XPC: variants seen among roughly 807,000 people sequenced by gnomAD.
XPC encodes the protein DNA repair protein complementing XP-C cells.
A neutral mutation model predicts 95.8 loss-of-function variants in XPC; 76 were observed. The observed-to-expected ratio is 0.79, with a 90% confidence interval of 0.66 to 0.96. XPC has a LOEUF of 0.96. XPC is among the 40% of genes least tolerant of loss of function. The pLI is 0.00. For synonymous variants in XPC, 442 were observed against 442.1 expected, an observed-to-expected ratio of 1.00 and a Z score of 0.00; for missense variants, 1,146 against 1,179.8, an observed-to-expected ratio of 0.97 and a Z score of 0.42.
In XPC at chr3:14,148,743, G is replaced by A. The variant is rs779218035; in HGVS notation, c.2251-12C>T. 5.6e-6 allele frequency: 9 copies of A among 1,613,794 alleles called. No homozygotes were observed. In the South Asian group the frequency reaches 7.7e-5, roughly 14 times the overall value. ...TCGTTCCGGGGCACCTGTGTCGGGT[G>A]AGCAAGTCAGCATTTGGCCAGCAGG... On this transcript the variant is annotated splice_polypyrimidine_tract_variant and intron_variant, in intron 12 of 15. Coordinates refer to ENST00000285021, the MANE Select transcript of XPC (RefSeq NM_004628.5).
chr3:14,161,613 A>G (rs1696169263), intron 7 of XPC, among the ~76,000 whole-genome samples: 1 of 150,108 alleles, frequency 6.7e-6, no homozygotes, highest in Non-Finnish European at 1.5e-5. Context: ...GAGACAATCC[A>G]ACAGGCTTTC....
intron 5 of XPC, among the ~76,000 whole-genome samples, chr3:14,166,538 A>G (rs893749133): frequency 6.9e-6 from 1 of 145,638 alleles, no homozygotes; most frequent in Non-Finnish European, 1.5e-5. Context: ...ACACCTACAT[A>G]CTCCACACAC....
At chr3:14,150,233 G>C (rs928159843) in intron 11 of XPC, among the ~76,000 whole-genome samples, 1 of 152,256 alleles carries the variant, frequency 6.6e-6, no homozygotes, top group Non-Finnish European at 1.5e-5. Flanking sequence ...AGAGGAGTCA[G>C]GCATGGGCGT....
At chr3:14,175,637 G>A (rs1696786101) in intron 1 of XPC, among the ~76,000 whole-genome samples, 1 of 152,206 alleles carries the variant, frequency 6.6e-6, no homozygotes, top group Non-Finnish European at 1.5e-5. Flanking sequence ...GAGAAGAAAT[G>A]AAAAGAAACC....
intron 1 of XPC, among the ~76,000 whole-genome samples, chr3:14,177,462 G>C (rs774081407): frequency 3.3e-5 from 5 of 152,114 alleles, no homozygotes; most frequent in African/African-American, 1.2e-4. Context: ...TAAAAGCCAT[G>C]GGGGGTTCAC....
At chr3:14,148,400 G>T in intron 13 of XPC, 162 bp downstream of exon 13, 1 of 976,018 alleles carries the variant, frequency 1.0e-6, no homozygotes, top group Non-Finnish European at 1.5e-6. Flanking sequence ...AGGGAAGCCA[G>T]AATTGGTAAA....
rs765599107 is a variant in XPC at position 14,178,484 on chromosome 3, G to T, written c.85C>A (p.Arg29Ser). 6.2e-7 allele frequency: 1 copy of T among 1,611,158 alleles called. No homozygotes were observed. Among genetic ancestry groups the T allele is most frequent in the East Asian group, 2.2e-5 (1 of 44,840 alleles). Residue 29 changes from arginine (R) to serine (S), a missense_variant, in exon 1 of 16, where the codon CGT (arginine) becomes AGT (serine). Coordinates refer to ENST00000285021, the MANE Select transcript of XPC (RefSeq NM_004628.5). ...CTCTCACCCTCCTCCTCCTCCTCAC[G>T]CCGGGCCTTGCTCTTGGCCTTGGAT... The part of the protein sequence containing the change: ...QKSKAKSKAR[R>S]EEEEEDAFED...
At position 14,168,355 on chromosome 3, in the gene XPC, G is replaced by A. The variant is rs374117700; in HGVS notation, c.438C>T (p.Asp146=). Residue 146 remains aspartate, a synonymous_variant, in exon 4 of 16, where the codon GAC becomes GAT. Transcript: ENST00000285021. ...VEELSEPVLG[D]VRESTAFSRS... is the part of the protein sequence containing the mutation. ...GAGAGAAGGCTGTACTTTCTCTCACGTCACCCAGCACAGGCTCACTAAGTT... is the reference window on the plus strand; with the variant it reads ...GAGAGAAGGCTGTACTTTCTCTCACATCACCCAGCACAGGCTCACTAAGTT... 2.4e-5 allele frequency: 38 copies of A among 1,613,674 alleles called. No homozygotes were observed. The highest frequency in any genetic ancestry group is 4.0e-5 in the African/African-American group (3 of 74,860).
intron 2 of XPC, 135 bp downstream of exon 2, chr3:14,172,732 G>A: frequency 3.0e-6 from 3 of 1,016,710 alleles, no homozygotes; most frequent in Non-Finnish European, 2.8e-6. Context: ...TTACCGGTCT[G>A]AGTTGTACCT....
intron 14 of XPC, 94 bp from the exon 15 acceptor site, chr3:14,147,473 A>G: frequency 8.3e-7 from 1 of 1,204,186 alleles, no homozygotes; most frequent in Non-Finnish European, 1.2e-6. Flanking sequence ...AGACAGATAT[A>G]TACACCACTT....
At chr3:14,147,714 A>G (rs2125007810) in intron 14 of XPC, 194 bp downstream of exon 14, 1 of 608,804 alleles carries the variant, frequency 1.6e-6, no homozygotes, top group Non-Finnish European at 2.9e-6. Context: ...CAGGCTCCTC[A>G]GGGACAGTGA....
rs749372613 is a variant in XPC, at chr3:14,145,899, G to T, written c.*42C>A. ...AGGGCAGGTGTGGGGCCTGTAGTGGGGCAGCAGCAACTGGTGGGTGCCCCT... is the reference window on the plus strand; with the variant it reads ...AGGGCAGGTGTGGGGCCTGTAGTGGTGCAGCAGCAACTGGTGGGTGCCCCT... On this transcript the variant is annotated 3_prime_UTR_variant, in exon 16 of 16. Coordinates refer to ENST00000285021, the MANE Select transcript of XPC (RefSeq NM_004628.5). The T allele has an allele frequency of 1.3e-6, 2 of 1,583,078 alleles. No individual in the cohort carries two copies. Among genetic ancestry groups the T allele is most frequent in the South Asian group, 2.3e-5 (2 of 88,262 alleles).
chr3:14,145,513 C>A lies in XPC; in HGVS notation c.*428G>T, dbSNP rs886058046. 1.4e-6 allele frequency: 1 copy of A among 698,982 alleles called. No individual in the cohort carries two copies. The highest frequency in any genetic ancestry group is 1.5e-5 in the South Asian group (1 of 67,426). The allele number at this position is 698,982 out of a possible 1,614,324, so 43.3% of individuals were successfully genotyped here. On this transcript the variant is annotated 3_prime_UTR_variant, in exon 16 of 16. Transcript: ENST00000285021. The stretch of plus-strand genomic sequence containing the variant: ...CCGCAACCGAGGCGAGTGAACTTGT[C>A]GGACAGATGAAGACTCTAACTGGAA...
At chr3:14,153,937 C>T (rs567171083) in intron 10 of XPC, among the ~76,000 whole-genome samples, 1 of 152,136 alleles carries the variant, frequency 6.6e-6, no homozygotes, top group Non-Finnish European at 1.5e-5. Context: ...CTTTGACTGC[C>T]CAGAGGAGTG....
chr3:14,149,227 G>A (rs905126744), intron 11 of XPC, among the ~76,000 whole-genome samples: 1 of 152,072 alleles, frequency 6.6e-6, no homozygotes, highest in Non-Finnish European at 1.5e-5. Context: ...GGGATTACAG[G>A]TGCCTGCCAC....
intron 5 of XPC, among the ~76,000 whole-genome samples, 158 bp downstream of exon 5, chr3:14,167,011 A>G (rs1559380709): frequency 6.6e-6 from 1 of 152,170 alleles, no homozygotes; most frequent in African/African-American, 2.4e-5. Context: ...GACAGACACT[A>G]TTACTACCCC....
intron 8 of XPC, among the ~76,000 whole-genome samples, chr3:14,159,198 G>A (rs182891354): frequency 3.3e-5 from 5 of 152,282 alleles, no homozygotes; most frequent in East Asian, 1.9e-4. Context: ...TATTGGTTAC[G>A]TAAATTAGGT....
At position 14,159,627 on chromosome 3, in the gene XPC, G is replaced by A; in HGVS notation, c.990+114C>T. On this transcript the variant is annotated intron_variant, in intron 8 of 15. Transcript: ENST00000285021. ...CACAGGGTATGTGCAAGGCTCGAAA[G>A]AACCCACACTCCGTGAATACCAGCT... The A allele has an allele frequency of 2.7e-6, 3 of 1,103,456 alleles. No individual in the cohort carries two copies. The Admixed American group carries it at 6.4e-5, about 24-fold the overall frequency. The allele number at this position is 1,103,456 out of a possible 1,614,324, so 68.4% of individuals were successfully genotyped here.
At position 14,158,992 on chromosome 3, in the gene XPC, A is replaced by C. The variant is rs553804127; in HGVS notation, c.991-100T>G. On this transcript the variant is annotated intron_variant, in intron 8 of 15. Coordinates refer to ENST00000285021, the MANE Select transcript of XPC (RefSeq NM_004628.5). The surrounding 1 kb of genome is among the most constrained non-coding windows in gnomAD (Gnocchi z 5.2). ...CTAATAGGGTTAAGTCACCAGCTAGAGAACCAATACATCAAGATGTCCCCA... is the reference window on the plus strand; with the variant it reads ...CTAATAGGGTTAAGTCACCAGCTAGCGAACCAATACATCAAGATGTCCCCA... 4,550 of 1,472,514 alleles carry C rather than the reference A, an allele frequency of 3.1e-3. 18 individuals carry two copies. Among genetic ancestry groups the C allele is most frequent in the Non-Finnish European group, 3.4e-3 (3,605 of 1,074,530 alleles). The allele number at this position is 1,472,514 out of a possible 1,614,324, so 91.2% of individuals were successfully genotyped here.
Sources: allele counts gnomAD v4.1 joint callset (sites outside exome capture counted in the v4.1 genomes callset), GRCh38; gene constraint gnomAD v4.1.1; non-coding constraint Gnocchi (gnomAD v3.1); transcripts MANE v1.5; gene names NCBI Gene and HGNC (gene_info 2026-07-23, HGNC 2026-07-21).